The following IRF8 variants were observed in gnomAD, a reference collection of about 807,000 sequenced individuals.
The protein encoded by IRF8 is interferon regulatory factor 8.
In IRF8, 14 loss-of-function variants were observed where a neutral mutation model predicts 48.7. The observed-to-expected ratio is 0.29, with a 90% CI of 0.19 to 0.45. The LOEUF (loss-of-function observed/expected upper bound fraction) is 0.45. Ranked by LOEUF, IRF8 falls within the 20% of genes least tolerant of loss-of-function variation. The pLI, the probability that IRF8 is intolerant of heterozygous loss-of-function variation, is 1.00. For synonymous variants in IRF8, 278 were observed against 227.3 expected, an observed-to-expected ratio of 1.22 and a Z score of -2.01; for missense variants, 493 against 580.7, an observed-to-expected ratio of 0.85 and a Z score of 1.55.
chr16:85,905,379 C>T (rs1354290064), intron 2 of IRF8, among the ~76,000 whole-genome samples: 1 of 152,206 alleles, frequency 6.6e-6, no homozygotes, highest in Non-Finnish European at 1.5e-5. Flanking sequence ...TGAAATAAAG[C>T]CCCAGATTTA....
At chr16:85,901,532 C>G (rs887637358) in intron 1 of IRF8, among the ~76,000 whole-genome samples, 17 of 152,224 alleles carry the variant, frequency 1.1e-4, no homozygotes, top group Admixed American at 6.5e-4. Flanking sequence ...GCAGGAAGAT[C>G]GCTTAAGCCC....
intron 1 of IRF8, among the ~76,000 whole-genome samples, chr16:85,899,981 A>C (rs1175264084): frequency 1.3e-5 from 2 of 152,258 alleles, no homozygotes; most frequent in East Asian, 1.9e-4. Context: ...ATGGCCCCCC[A>C]CTTTCTTTTT....
chr16:85,911,432 T>C lies in IRF8; in HGVS notation c.359-138T>C, dbSNP rs1905138473. On this transcript the variant is annotated intron_variant, in intron 3 of 8. Transcript: ENST00000268638. ...ACTGAAGCATGGGAAAAAAATTCTG[T>C]GCCTTTCCCAAACCAATGAAGACAC... The C allele has an allele frequency of 4.0e-6, 3 of 740,840 alleles. No individual in the cohort carries two copies. The Admixed American group carries it at 6.2e-5, about 15-fold the overall frequency. 45.9% of individuals were successfully genotyped at this position (740,840 alleles called of 1,614,324 possible). A position where few individuals can be genotyped will look rare whatever the true frequency, so the allele number is the denominator to read the frequency against.
chr16:85,908,909 G>A (rs1905071854), intron 2 of IRF8, 81 bp from the exon 3 acceptor site: 3 of 1,185,554 alleles, frequency 2.5e-6, no homozygotes, highest in East Asian at 2.3e-5. Context: ...AGGGAAGGAT[G>A]TGTGGGGTCC....
chr16:85,906,777 C>G (rs1275493584), intron 2 of IRF8, among the ~76,000 whole-genome samples: 2 of 152,084 alleles, frequency 1.3e-5, no homozygotes, highest in African/African-American at 4.8e-5. Flanking sequence ...GAATACTTGG[C>G]CATGTTTGGA....
chr16:85,919,986 C>T (rs1203671819), intron 7 of IRF8, 123 bp from the exon 8 acceptor site: 25 of 761,394 alleles, frequency 3.3e-5, no homozygotes, highest in Non-Finnish European at 5.1e-5. Context: ...AGTTTGAGAT[C>T]CCATGGTGCC....
chr16:85,906,870 A>G (rs776696446), intron 2 of IRF8, among the ~76,000 whole-genome samples: 1 of 152,066 alleles, frequency 6.6e-6, no homozygotes, highest in Non-Finnish European at 1.5e-5. Context: ...TGAATATTCT[A>G]CAATCCACAG....
At chr16:85,919,284 T>C (rs563668282) in intron 7 of IRF8, among the ~76,000 whole-genome samples, 45 of 151,800 alleles carry the variant, frequency 3.0e-4, no homozygotes, top group African/African-American at 1.1e-3. Context: ...AAGTGCTGCC[T>C]GTTAGCTTTC....
chr16:85,910,596 A>G (rs1351663867), intron 3 of IRF8, among the ~76,000 whole-genome samples: 1 of 152,116 alleles, frequency 6.6e-6, no homozygotes, highest in Non-Finnish European at 1.5e-5. Flanking sequence ...GGTGACCCCA[A>G]CTTGTTTATA....
In IRF8 at chr16:85,921,287, G is replaced by A. The variant is rs112869360; in HGVS notation, c.*5G>A. 35 of 1,613,150 alleles carry A rather than the reference G, an allele frequency of 2.2e-5. No individual in the cohort carries two copies. The highest frequency in any genetic ancestry group is 2.7e-5 in the Non-Finnish European group (32 of 1,180,004). On this transcript the variant is annotated 3_prime_UTR_variant, in exon 9 of 9. Transcript: ENST00000268638. ...AACCAACAGATCACCGTCTAAGTGC[G>A]TCGCTTGGGCGCCCCACCCCGTCTG...
intron 2 of IRF8, among the ~76,000 whole-genome samples, chr16:85,907,917 TG>T (rs1393516785): frequency 6.6e-6 from 1 of 152,072 alleles, no homozygotes; most frequent in Non-Finnish European, 1.5e-5. Flanking sequence ...TGGGTGGCCT[TG>T]GGAAAGTTAC....
At chr16:85,899,650 G>T (rs757464916) in intron 1 of IRF8, among the ~76,000 whole-genome samples, 1 of 152,248 alleles carries the variant, frequency 6.6e-6, no homozygotes, top group Admixed American at 6.5e-5. Context: ...GTTACTGAGG[G>T]TTAGTTTGTG....
intron 2 of IRF8, among the ~76,000 whole-genome samples, chr16:85,904,674 T>A (rs1904935144): frequency 6.6e-6 from 1 of 152,150 alleles, no homozygotes; most frequent in Admixed American, 6.5e-5. Context: ...GGTCCCTTGG[T>A]GCCCCCACAC....
chr16:85,918,961 C>G (rs1905433500), intron 7 of IRF8, among the ~76,000 whole-genome samples, 158 bp downstream of exon 7: 1 of 152,190 alleles, frequency 6.6e-6, no homozygotes, highest in Non-Finnish European at 1.5e-5. Context: ...TTGAATGGCA[C>G]TCTGCCCTCT....
rs1331729294 is a variant in IRF8 at position 85,918,658 on chromosome 16, C to T, written c.843C>T (p.His281=). ...ACCTGGAGCGCGGGGTGCTGCTGCACAGCAGCCGGCAGGGCGTGTTCGTCA... is the reference window on the plus strand; with the variant it reads ...ACCTGGAGCGCGGGGTGCTGCTGCATAGCAGCCGGCAGGGCGTGTTCGTCA... ...FGHLERGVLL[H]SSRQGVFVKR... is the part of the protein sequence containing the mutation. The change falls in exon 7 of 9, where the codon CAC becomes CAT. Residue 281 remains histidine, a synonymous_variant. Transcript: ENST00000268638. 6.2e-7 allele frequency: 1 copy of T among 1,610,370 alleles called. No homozygotes were observed. The highest frequency in any genetic ancestry group is 1.1e-5 in the South Asian group (1 of 91,056).
intron 5 of IRF8, chr16:85,914,097 C>A: frequency 3.2e-6 from 1 of 314,460 alleles, no homozygotes. Flanking sequence ...ATCCGGAAAG[C>A]TAGCTTGCAC....
chr16:85,913,717 C>A (rs1275040843), intron 5 of IRF8, among the ~76,000 whole-genome samples: 1 of 152,236 alleles, frequency 6.6e-6, no homozygotes, highest in Admixed American at 6.5e-5. Context: ...TTGTTCAGAG[C>A]CCTAGATTTG....
intron 5 of IRF8, chr16:85,914,077 C>G: frequency 3.3e-6 from 1 of 307,594 alleles, no homozygotes; most frequent in Non-Finnish European, 6.4e-6. Flanking sequence ...GTCTGTGCTG[C>G]AGGAACACCA....
chr16:85,901,976 C>G (rs1484907901), intron 1 of IRF8, among the ~76,000 whole-genome samples: 1 of 147,812 alleles, frequency 6.8e-6, no homozygotes, highest in African/African-American at 2.5e-5. Flanking sequence ...TTGGGGATTT[C>G]CAGCACTGTT....
Sources: gnomAD v4.1 joint callset for allele counts (sites outside exome capture counted in the v4.1 genomes callset) on GRCh38, gnomAD v4.1.1 for gene constraint, MANE v1.5 for transcripts, NCBI Gene and HGNC (gene_info 2026-07-23, HGNC 2026-07-21) for gene names.